Variants in CCP110 observed in about 807,000 individuals in gnomAD.
The protein encoded by CCP110 is centriolar coiled-coil protein 110.
CCP110 carries 43 observed loss-of-function variants against 105.5 expected under a neutral mutation model. The ratio of observed to expected loss-of-function variants is 0.41; its 90% CI spans 0.32 to 0.53. The LOEUF (loss-of-function observed/expected upper bound fraction) is 0.53, where lower values mean the gene tolerates loss of function less well. Among genes scored for constraint, CCP110 ranks in the 20% least tolerant of loss-of-function variants. The probability of loss-of-function intolerance (pLI) is 0.32; values close to 1 mark genes in which losing one functional copy is unlikely to be tolerated. For missense variants in CCP110, 1,016 were observed against 1,189.1 expected (o/e 0.85, Z 2.14); for synonymous variants, 353 against 392.1 (o/e 0.90, Z 1.18).
chr16:19,535,925 A>G lies in CCP110; in HGVS notation c.271-15A>G. 1 of 1,495,864 alleles carries G rather than the reference A, an allele frequency of 6.7e-7. No individual in the cohort carries two copies. Among genetic ancestry groups the G allele is most frequent in the East Asian group, 2.3e-5 (1 of 42,624 alleles). 92.7% of individuals were successfully genotyped at this position (1,495,864 alleles called of 1,614,324 possible). The stretch of plus-strand genomic sequence containing the variant: ...TGCAATGAGGAAATATTAATTTTTA[A>G]ATTTCCTGTTTCAGGTTAGAAAAGC... On this transcript the variant is annotated splice_polypyrimidine_tract_variant and intron_variant, in intron 3 of 14. Coordinates refer to ENST00000381396, the Ensembl canonical transcript of CCP110.
chr16:19,540,146 C>T (rs914052069), intron 4 of CCP110, among the ~76,000 whole-genome samples: 3 of 152,152 alleles, frequency 2.0e-5, no homozygotes, highest in Admixed American at 6.5e-5. Flanking sequence ...CTTGTATTGT[C>T]ATAATGTTTT....
intron 11 of CCP110, 96 bp downstream of exon 11, chr16:19,545,986 T>C: frequency 1.4e-6 from 1 of 728,030 alleles, no homozygotes; most frequent in Non-Finnish European, 2.3e-6. Context: ...AATAAAGAGT[T>C]AATTTTTCTG....
chr16:19,544,680 C>A, intron 8 of CCP110, 117 bp from the exon 9 acceptor site: 1 of 647,520 alleles, frequency 1.5e-6, no homozygotes, highest in South Asian at 1.9e-5. Context: ...ACCAGTCCCC[C>A]ACAGATACTG....
chr16:19,541,373 C>T (rs1398166740), intron 5 of CCP110, among the ~76,000 whole-genome samples: 1 of 152,146 alleles, frequency 6.6e-6, no homozygotes, highest in Non-Finnish European at 1.5e-5. Flanking sequence ...TGGCTCACGC[C>T]TGTAATCCCA....
chr16:19,535,459 G>A (rs1051491790), intron 3 of CCP110, among the ~76,000 whole-genome samples: 2 of 152,112 alleles, frequency 1.3e-5, no homozygotes, highest in Non-Finnish European at 2.9e-5. Context: ...GGACAAGTTA[G>A]TCTTTGTTAG....
At chr16:19,553,235 A>G (rs1314822048) in exon 15 of CCP110, 1 of 152,206 alleles carries the variant, frequency 6.6e-6, no homozygotes, top group African/African-American at 2.4e-5. Context: ...CTTCTCATAC[A>G]GGTGCCAGAC....
exon 8 of CCP110, chr16:19,542,884 A>T: frequency 6.2e-7 from 1 of 1,601,098 alleles, no homozygotes; most frequent in South Asian, 1.1e-5. Flanking sequence ...CTAGGTTTTT[A>T]GTCTGGAAAT....
exon 12 of CCP110, chr16:19,546,470 A>C (rs1465320150): frequency 1.9e-6 from 3 of 1,577,070 alleles, no homozygotes; most frequent in Non-Finnish European, 2.6e-6. Flanking sequence ...TCCTTCTGAA[A>C]CAAGGTGAGA....
chr16:19,535,239 A>C (rs1467196920), intron 3 of CCP110, among the ~76,000 whole-genome samples: 1 of 152,068 alleles, frequency 6.6e-6, no homozygotes, highest in Non-Finnish European at 1.5e-5. Context: ...TGCCAGTTTA[A>C]TATACGGATG....
chr16:19,547,970 C>T (rs1970516987), exon 13 of CCP110: 1 of 1,611,080 alleles, frequency 6.2e-7, no homozygotes, highest in Non-Finnish European at 8.5e-7. Context: ...TTCAGCCAAA[C>T]CAAGGACAGA....
intron 3 of CCP110, among the ~76,000 whole-genome samples, chr16:19,532,883 C>G (rs1969923680): frequency 6.6e-6 from 1 of 152,196 alleles, no homozygotes; most frequent in African/African-American, 2.4e-5. Flanking sequence ...ACTAATTAGA[C>G]TATTGACTAA....
chr16:19,546,538 T>A, intron 12 of CCP110, 64 bp downstream of exon 12: 1 of 932,542 alleles, frequency 1.1e-6, no homozygotes, highest in Non-Finnish European at 1.7e-6. Flanking sequence ...AAAAATTGGC[T>A]GGGCACGGTG....
Position 19,546,540 on chromosome 16 carries a change from G to A in CCP110, c.2840+66G>A, listed in dbSNP as rs56090133. ...TTTTATAGAAAAAAAAAATTGGCTG[G>A]GCACGGTGGCTCACGCCTGTAATCC... On this transcript the variant is annotated intron_variant, in intron 12 of 14. Coordinates refer to ENST00000381396, the Ensembl canonical transcript of CCP110. 1.4e-3 allele frequency: 1,329 copies of A among 918,572 alleles called. 12 individuals carry two copies. In the African/African-American group the frequency reaches 0.019, roughly 13 times the overall value. The allele number at this position is 918,572 out of a possible 1,614,324, so 56.9% of individuals were successfully genotyped here.
chr16:19,524,878 G>C (rs1383223404), intron 1 of CCP110: 1 of 152,182 alleles, frequency 6.6e-6, no homozygotes, highest in African/African-American at 2.4e-5. Context: ...CTCTTAATAA[G>C]AAAAGCAGTC....
At chr16:19,533,519 A>C (rs1241359843) in intron 3 of CCP110, among the ~76,000 whole-genome samples, 1 of 152,188 alleles carries the variant, frequency 6.6e-6, no homozygotes, top group East Asian at 1.9e-4. Context: ...CATTTTTGTG[A>C]GGCTTTGATT....
intron 2 of CCP110, among the ~76,000 whole-genome samples, chr16:19,531,389 C>T (rs574199066): frequency 1.3e-5 from 2 of 152,244 alleles, no homozygotes; most frequent in South Asian, 4.1e-4. Flanking sequence ...TAAGTCTTGA[C>T]TGTTAACAGT....
At chr16:19,540,581 A>G in intron 4 of CCP110, 76 bp from the exon 5 acceptor site, 1 of 1,222,876 alleles carries the variant, frequency 8.2e-7, no homozygotes, top group Non-Finnish European at 1.2e-6. Context: ...CAGAAGGATA[A>G]TTTAAATTGA....
exon 10 of CCP110, chr16:19,545,180 A>G (rs1970420216): frequency 6.2e-7 from 1 of 1,607,152 alleles, no homozygotes; most frequent in Non-Finnish European, 8.5e-7. Flanking sequence ...ATGATCGAGA[A>G]GTTCGCAAAG....
At chr16:19,544,153 G>T (rs1371717231) in intron 8 of CCP110, among the ~76,000 whole-genome samples, 1 of 152,018 alleles carries the variant, frequency 6.6e-6, no homozygotes, top group East Asian at 1.9e-4. Context: ...TCCTCTCTTT[G>T]TACTCTTTCT....
Sources: gnomAD v4.1 joint callset for allele counts (sites outside exome capture counted in the v4.1 genomes callset) on GRCh38, gnomAD v4.1.1 for gene constraint, MANE v1.5 for transcripts, NCBI Gene and HGNC (gene_info 2026-07-23, HGNC 2026-07-21) for gene names.